The following RALYL variants were observed in gnomAD, a reference collection of about 807,000 sequenced individuals.
The protein encoded by RALYL is RNA-binding Raly-like protein.
RALYL carries 29 observed loss-of-function variants against 35.1 expected under a neutral mutation model. That is an observed-to-expected ratio of 0.83 (90% CI 0.61 to 1.13). RALYL has a LOEUF of 1.13. RALYL is among the 50% of genes most tolerant of loss of function. The pLI, the probability that RALYL is intolerant of heterozygous loss-of-function variation, is 0.00. For synonymous variants in RALYL, 120 were observed against 127.6 expected, an observed-to-expected ratio of 0.94 and a Z score of 0.40; for missense variants, 359 against 360.4, an observed-to-expected ratio of 1.00 and a Z score of 0.03.
chr8:84,766,530 AAAATAAATAAATAAATAAAT>A (rs10695999), intron 2 of RALYL, among the ~76,000 whole-genome samples: 3 of 125,072 alleles, frequency 2.4e-5, no homozygotes, highest in Non-Finnish European at 3.3e-5. Context: ...CATCTCTACT[AAAATAAATAAATAAATAAAT>A]AAATAAATAA....
chr8:84,915,396 C>T (rs1848311855), intron 8 of RALYL, among the ~76,000 whole-genome samples: 1 of 152,022 alleles, frequency 6.6e-6, no homozygotes, highest in Admixed American at 6.6e-5. Flanking sequence ...TAGCTCAAAA[C>T]CCCCTGACAC....
At chr8:84,624,745 T>G (rs905614035) in intron 2 of RALYL, among the ~76,000 whole-genome samples, 2 of 152,212 alleles carry the variant, frequency 1.3e-5, no homozygotes, top group African/African-American at 4.8e-5. Context: ...TGTTTTAGGT[T>G]TAAATCTTTT....
intron 1 of RALYL, among the ~76,000 whole-genome samples, chr8:84,408,049 A>C (rs1267907485): frequency 3.9e-5 from 6 of 152,116 alleles, no homozygotes; most frequent in Admixed American, 3.9e-4. Context: ...CAAGAATAAG[A>C]ACGCTATGAA....
intron 2 of RALYL, among the ~76,000 whole-genome samples, chr8:84,584,257 G>A (rs967150241): frequency 6.6e-6 from 1 of 152,126 alleles, no homozygotes; most frequent in Non-Finnish European, 1.5e-5. Context: ...CATATACAGA[G>A]GAACTTACGG....
At chr8:84,862,968 AAAT>A (rs1767773813) in intron 6 of RALYL, among the ~76,000 whole-genome samples, 1 of 152,234 alleles carries the variant, frequency 6.6e-6, no homozygotes, top group Non-Finnish European at 1.5e-5. Context: ...ATAAAAAGTA[AAAT>A]AATATTTGCA....
In RALYL at chr8:84,797,645, A is replaced by G. The variant is rs140313185; in HGVS notation, c.333-7125A>G. Among the ~76,000 whole-genome samples the G allele has an allele frequency of 2.0e-3, 303 of 151,430 alleles. 3 individuals carry two copies. The highest frequency in any genetic ancestry group is 6.3e-3 in the African/African-American group (260 of 41,278). ...CTTTGGAGAAAAAAAGTATGCAGTT[A>G]AAAAAAAAGAAGTCCTGTATTCCCT... On this transcript the variant is annotated intron_variant, in intron 3 of 8. Transcript: ENST00000521268.
intron 1 of RALYL, among the ~76,000 whole-genome samples, chr8:84,330,221 A>C (rs1846556046): frequency 6.6e-6 from 1 of 152,060 alleles, no homozygotes; most frequent in African/African-American, 2.4e-5. Flanking sequence ...AGGTGAGTGA[A>C]ACATATTAGC....
chr8:84,675,605 T>C (rs1396607080), intron 2 of RALYL, among the ~76,000 whole-genome samples: 1 of 152,194 alleles, frequency 6.6e-6, no homozygotes, highest in Non-Finnish European at 1.5e-5. Flanking sequence ...CATACAAATA[T>C]TATCAAATTG....
intron 2 of RALYL, among the ~76,000 whole-genome samples, chr8:84,618,173 A>T (rs1306000775): frequency 6.6e-6 from 1 of 151,836 alleles, no homozygotes; most frequent in Non-Finnish European, 1.5e-5. Context: ...GAATGGTACC[A>T]GTTCTTCCTT....
chr8:84,333,534 C>T (rs1847217501), intron 1 of RALYL, among the ~76,000 whole-genome samples: 1 of 152,162 alleles, frequency 6.6e-6, no homozygotes, highest in Non-Finnish European at 1.5e-5. Flanking sequence ...ACCCATTGCT[C>T]ACTCCCAGTT....
chr8:84,189,757 A>T (rs779316666), intron 1 of RALYL, among the ~76,000 whole-genome samples: 4 of 152,050 alleles, frequency 2.6e-5, no homozygotes, highest in Non-Finnish European at 4.4e-5. Context: ...ATATAAAACA[A>T]CTGTTATGTA....
chr8:84,627,561 T>A (rs148241101), intron 2 of RALYL, among the ~76,000 whole-genome samples: 7 of 151,240 alleles, frequency 4.6e-5, no homozygotes, highest in African/African-American at 1.7e-4. Context: ...AGAAACACTT[T>A]CTTCCTGTGT....
intron 1 of RALYL, among the ~76,000 whole-genome samples, chr8:84,416,324 T>C (rs1404205171): frequency 1.3e-5 from 2 of 152,170 alleles, no homozygotes; most frequent in Non-Finnish European, 1.5e-5. Context: ...TAAAATTTAC[T>C]GTGGTGAGTG....
chr8:84,189,558 C>T (rs571103886), intron 1 of RALYL, among the ~76,000 whole-genome samples: 20 of 152,030 alleles, frequency 1.3e-4, no homozygotes, highest in Admixed American at 2.6e-4. Context: ...ACTTCCCTTC[C>T]GTGATTAGAT....
chr8:84,873,075 T>A (rs1440006105), intron 6 of RALYL: 1 of 410,248 alleles, frequency 2.4e-6, no homozygotes, highest in Non-Finnish European at 4.4e-6. Context: ...GATTAAACGC[T>A]CATGTCACTG....
chr8:84,755,036 T>C (rs2133273181), intron 2 of RALYL, among the ~76,000 whole-genome samples: 1 of 152,272 alleles, frequency 6.6e-6, no homozygotes, highest in South Asian at 2.1e-4. Flanking sequence ...CCTGTTTCCA[T>C]GAGCAGCTAT....
At chr8:84,324,251 C>G (rs145543169) in intron 1 of RALYL, among the ~76,000 whole-genome samples, 1 of 152,158 alleles carries the variant, frequency 6.6e-6, no homozygotes, top group Non-Finnish European at 1.5e-5. Context: ...GTTGTATCAA[C>G]CAACTGTTTT....
rs188868375 is a variant in RALYL at position 84,354,210 on chromosome 8, G to A, written c.-24+169786G>A. On this transcript the variant is annotated intron_variant, in intron 1 of 8. Coordinates refer to ENST00000521268, the MANE Select transcript of RALYL (RefSeq NM_173848.7). ...GTGAAAGCCACCCTGATTAAAAACA[G>A]TTTGCTGGAAGTTGCTAGTTACTAG... Among the ~76,000 whole-genome samples the A allele has an allele frequency of 1.5e-4, 22 of 150,296 alleles. 2 individuals are homozygous for A. The highest frequency in any genetic ancestry group is 1.5e-3 in the Admixed American group (22 of 15,154).
intron 2 of RALYL, among the ~76,000 whole-genome samples, chr8:84,583,711 T>C (rs1811359018): frequency 6.6e-6 from 1 of 152,174 alleles, no homozygotes; most frequent in Non-Finnish European, 1.5e-5. Context: ...TGCACAATTA[T>C]AAAATATATT....
Sources: allele counts gnomAD v4.1 joint callset (sites outside exome capture counted in the v4.1 genomes callset), GRCh38; gene constraint gnomAD v4.1.1; transcripts MANE v1.5; gene names NCBI Gene and HGNC (gene_info 2026-07-23, HGNC 2026-07-21).